Variants in AHNAK observed in about 807,000 individuals in gnomAD.
AHNAK encodes the protein neuroblast differentiation-associated protein AHNAK.
A neutral mutation model predicts 37.8 loss-of-function variants in AHNAK; 23 were observed. The observed-to-expected ratio is 0.61, with a 90% CI of 0.44 to 0.86. The LOEUF (loss-of-function observed/expected upper bound fraction) is 0.86, where lower values mean the gene tolerates loss of function less well. AHNAK is among the 40% of genes least tolerant of loss of function. AHNAK has a pLI of 0.00. For synonymous variants in AHNAK, 2,481 were observed against 2,636.3 expected (o/e 0.94, Z 1.80); for missense variants, 7,411 against 7,319.4 (o/e 1.01, Z -0.46).
chr11:62,529,951 C>A lies in AHNAK; in HGVS notation c.4466G>T (p.Gly1489Val), dbSNP rs372267338. 20 of 1,612,690 alleles carry A rather than the reference C, an allele frequency of 1.2e-5. No homozygotes were observed. The highest frequency in any genetic ancestry group is 1.7e-5 in the Non-Finnish European group (20 of 1,179,732). ...EIKAPDVDIK[G>V]PKVDINAPDV... ...TGGTGCATTAATATCAACTTTGGGG[C>A]CTTTGATGTCAACATCAGGAGCTTT... The change falls in exon 5 of 5, where the codon GGC (glycine) becomes GTC (valine). Residue 1489 changes from glycine to valine, a missense_variant. By Grantham distance (109) the Gly-to-Val change is moderately radical. Coordinates refer to ENST00000378024, the MANE Select transcript of AHNAK (RefSeq NM_001620.3).
intron 4 of AHNAK, among the ~76,000 whole-genome samples, chr11:62,496,345 C>T (rs1939608767): frequency 6.6e-6 from 1 of 152,138 alleles, no homozygotes; most frequent in African/African-American, 2.4e-5. Context: ...TGTTGCAATT[C>T]AATCACTAGA....
chr11:62,532,159 T>C lies in AHNAK; in HGVS notation c.2258A>G (p.Lys753Arg). 6.2e-7 allele frequency: 1 copy of C among 1,614,054 alleles called. No individual in the cohort carries two copies. Among genetic ancestry groups the C allele is most frequent in the Non-Finnish European group, 8.5e-7 (1 of 1,180,014 alleles). Residue 753 changes from lysine to arginine, a missense_variant, in exon 5 of 5, where the codon AAA (lysine) becomes AGA (arginine). Transcript: ENST00000378024. Reference protein sequence around the residue: ...PDWHLKMPKMKMPKFSVPGFK... With the variant: ...PDWHLKMPKMRMPKFSVPGFK... ...CCCTGGCACACTGAATTTGGGCATT[T>C]TCATCTTGGGCATCTTCAAGTGCCA... is the stretch of plus-strand genomic sequence containing the variant.
intron 1 of AHNAK, among the ~76,000 whole-genome samples, chr11:62,537,078 C>A (rs1039171366): frequency 2.6e-5 from 4 of 151,862 alleles, no homozygotes; most frequent in Non-Finnish European, 5.9e-5. Context: ...CTCAGCCTCC[C>A]GAGTAGCTGG....
At chr11:62,478,626 T>C (rs563143) in intron 5 of AHNAK, among the ~76,000 whole-genome samples, 59,076 of 151,460 alleles carry the variant, frequency 0.39, 13,102 homozygotes, top group South Asian at 0.66. Flanking sequence ...CACACGCCTG[T>C]GGTCCTAGCT....
Position 62,529,077 on chromosome 11 carries a change from C to G in AHNAK, c.5340G>C (p.Lys1780Asn). The G allele has an allele frequency of 6.2e-7, 1 of 1,614,046 alleles. No homozygotes were observed. The highest frequency in any genetic ancestry group is 8.5e-7 in the Non-Finnish European group (1 of 1,180,024). ...KMPKLNIKAP[K>N]VSMPDVDLNL... is the part of the protein sequence containing the mutation. ...TCAAGTCCACATCTGGCATGGAGACCTTGGGAGCTTTTATATTCAACTTGG... is the reference window on the plus strand; with the variant it reads ...TCAAGTCCACATCTGGCATGGAGACGTTGGGAGCTTTTATATTCAACTTGG... The change falls in exon 5 of 5, where the codon AAG becomes AAC. Residue 1780 changes from lysine (K) to asparagine (N), a missense_variant. Physicochemically the swap from Lys to Asn is moderately conservative, Grantham distance 94 (BLOSUM62 0). Coordinates refer to ENST00000378024, the MANE Select transcript of AHNAK (RefSeq NM_001620.3).
intron 5 of AHNAK, among the ~76,000 whole-genome samples, chr11:62,452,725 G>A (rs1938566912): frequency 6.6e-6 from 1 of 152,104 alleles, no homozygotes; most frequent in Non-Finnish European, 1.5e-5. Context: ...AGGTGAGATG[G>A]TAAAAGGTGT....
At chr11:62,508,905 C>G (rs770873723) in intron 4 of AHNAK, among the ~76,000 whole-genome samples, 1 of 152,224 alleles carries the variant, frequency 6.6e-6, no homozygotes, top group Non-Finnish European at 1.5e-5. Context: ...TGCCACCAAC[C>G]CCTTAAAGTG....
At chr11:62,439,580 TC>T (rs1338731639) in intron 5 of AHNAK, among the ~76,000 whole-genome samples, 1 of 152,154 alleles carries the variant, frequency 6.6e-6, no homozygotes, top group East Asian at 1.9e-4. Context: ...ATGTTCCTTT[TC>T]ATTATCATTT....
chr11:62,458,207 T>C (rs779252930), intron 5 of AHNAK, among the ~76,000 whole-genome samples: 5 of 152,108 alleles, frequency 3.3e-5, no homozygotes, highest in Non-Finnish European at 7.4e-5. Flanking sequence ...CGTGAGCCAC[T>C]GCACTGGGCC....
chr11:62,519,700 A>G lies in AHNAK; in HGVS notation c.14717T>C (p.Met4906Thr), dbSNP rs1442585590. The change falls in exon 5 of 5, where the codon ATG (methionine) becomes ACG (threonine). Residue 4906 changes from methionine to threonine, a missense_variant. Met to Thr is a moderately conservative substitution (Grantham distance 81, BLOSUM62 -1). Coordinates refer to ENST00000378024, the MANE Select transcript of AHNAK (RefSeq NM_001620.3). ...DAKLSGPSLK[M>T]PSLEISAPKV... ...AGGAGCAGATATCTCCAGCGATGGC[A>G]TCTTCAAAGATGGGCCACTGAGTTT... is the stretch of plus-strand genomic sequence containing the variant. The G allele has an allele frequency of 1.9e-6, 3 of 1,613,976 alleles. No individual in the cohort carries two copies. The highest frequency in any genetic ancestry group is 1.6e-4 in the Middle Eastern group (1 of 6,084).
intron 4 of AHNAK, among the ~76,000 whole-genome samples, chr11:62,493,397 C>G (rs1939543101): frequency 1.4e-5 from 2 of 146,980 alleles, no homozygotes; most frequent in Non-Finnish European, 1.5e-5. Context: ...GTGGCACAAT[C>G]TCACTGCAAC....
intron 4 of AHNAK, among the ~76,000 whole-genome samples, chr11:62,496,518 C>T (rs575868076): frequency 1.3e-5 from 2 of 152,208 alleles, no homozygotes; most frequent in East Asian, 1.9e-4. Context: ...GCAGGTTGGC[C>T]GGGAGCGGTG....
At chr11:62,483,033 T>G (rs1413974656) in intron 5 of AHNAK, among the ~76,000 whole-genome samples, 1 of 152,054 alleles carries the variant, frequency 6.6e-6, no homozygotes, top group Non-Finnish European at 1.5e-5. Context: ...GGACAATCAT[T>G]TGAACGACAT....
At chr11:62,439,217 C>T (rs2134776352) in intron 5 of AHNAK, among the ~76,000 whole-genome samples, 2 of 151,280 alleles carry the variant, frequency 1.3e-5, no homozygotes, top group South Asian at 2.1e-4. Flanking sequence ...GCCTCAGCCT[C>T]CCGAGTAGCT....
Position 62,522,424 on chromosome 11 carries a change from G to T in AHNAK, c.11993C>A (p.Ala3998Asp). 1.2e-6 allele frequency: 2 copies of T among 1,614,032 alleles called. No homozygotes were observed. Among genetic ancestry groups the T allele is most frequent in the Non-Finnish European group, 1.7e-6 (2 of 1,180,020 alleles). ...AAAGTCAGGCATGGAGATCTTGGGG[G>T]CTTTGATGTTCATCTCTGGCATCTT... ...KFKMPEMNIK[A>D]PKISMPDFDL... Residue 3998 changes from alanine to aspartate, a missense_variant, in exon 5 of 5, where the codon GCC (alanine) becomes GAC (aspartate). Physicochemically the swap from Ala to Asp is moderately radical, Grantham distance 126 (BLOSUM62 -2). Coordinates refer to ENST00000378024, the MANE Select transcript of AHNAK (RefSeq NM_001620.3).
chr11:62,443,275 CTT>C (rs530619642), intron 5 of AHNAK, among the ~76,000 whole-genome samples: 9 of 99,720 alleles, frequency 9.0e-5, no homozygotes, highest in Admixed American at 1.3e-4. Context: ...TGCACCCGGC[CTT>C]TTTTTTTTTT....
intron 5 of AHNAK, among the ~76,000 whole-genome samples, chr11:62,474,544 G>C (rs1191667019): frequency 6.6e-6 from 1 of 151,998 alleles, no homozygotes; most frequent in Non-Finnish European, 1.5e-5. Context: ...TGGAAGAACT[G>C]AGAATTGCTG....
intron 5 of AHNAK, among the ~76,000 whole-genome samples, chr11:62,489,943 T>C (rs56973213): frequency 6.6e-6 from 1 of 151,650 alleles, no homozygotes; most frequent in Non-Finnish European, 1.5e-5. Context: ...GGGTGTTTCA[T>C]GGAAGGAGAG....
At position 62,523,468 on chromosome 11, in the gene AHNAK, G is replaced by C; in HGVS notation, c.10949C>G (p.Pro3650Arg). 1.2e-6 allele frequency: 2 copies of C among 1,613,576 alleles called. No homozygotes were observed. The highest frequency in any genetic ancestry group is 2.2e-5 in the South Asian group (2 of 91,032). The change falls in exon 5 of 5, where the codon CCA becomes CGA. Residue 3650 changes from proline (P) to arginine (R), a missense_variant. By Grantham distance (103) the Pro-to-Arg change is moderately radical (BLOSUM62 -2). Transcript: ENST00000378024. ...CTTGGGGCCCTTCAGCTTTGCATCT[G>C]GACCTTCAATATTCACGTCTGGAAC... ...VDVPDVNIEGPDAKLKGPKFK... is the reference protein window; with the variant it reads ...VDVPDVNIEGRDAKLKGPKFK...
Sources: allele counts gnomAD v4.1 joint callset (sites outside exome capture counted in the v4.1 genomes callset), GRCh38; gene constraint gnomAD v4.1.1; transcripts MANE v1.5; gene names NCBI Gene and HGNC (gene_info 2026-07-23, HGNC 2026-07-21).